The following FHIT variants were observed in gnomAD, a reference collection of about 807,000 sequenced individuals.
The protein encoded by FHIT is bis(5'-adenosyl)-triphosphatase.
FHIT carries 19 observed loss-of-function variants against 17.9 expected under a neutral mutation model. The observed-to-expected ratio is 1.06, with a 90% CI of 0.74 to 1.56. FHIT has a LOEUF of 1.56. Among genes scored for constraint, FHIT ranks in the 40% most tolerant of loss-of-function variants. The probability of loss-of-function intolerance (pLI) is 0.00; values close to 1 mark genes in which losing one functional copy is unlikely to be tolerated. For synonymous variants in FHIT, 81 were observed against 69.7 expected (o/e 1.16, Z -0.81); for missense variants, 248 against 189.2 (o/e 1.31, Z -1.82).
intron 8 of FHIT, among the ~76,000 whole-genome samples, chr3:59,906,772 T>C (rs1465122992): frequency 6.6e-6 from 1 of 152,240 alleles, no homozygotes; most frequent in Non-Finnish European, 1.5e-5. Context: ...AAACTGTAAA[T>C]AGCATTCAAG....
chr3:60,709,437 A>G (rs1553704423), intron 4 of FHIT, among the ~76,000 whole-genome samples: 2 of 152,210 alleles, frequency 1.3e-5, no homozygotes, highest in African/African-American at 2.4e-5. Flanking sequence ...CTGCATCAAA[A>G]CTTAACAAAT....
At chr3:60,944,227 G>C (rs1362323212) in intron 3 of FHIT, among the ~76,000 whole-genome samples, 1 of 152,158 alleles carries the variant, frequency 6.6e-6, no homozygotes, top group Non-Finnish European at 1.5e-5. Flanking sequence ...CATTCTATGA[G>C]AATATGCTTT....
intron 5 of FHIT, among the ~76,000 whole-genome samples, chr3:60,301,140 T>C (rs1708444931): frequency 6.6e-6 from 1 of 152,122 alleles, no homozygotes. Flanking sequence ...TATCCTAAAA[T>C]AAAATTTTGA....
intron 3 of FHIT, among the ~76,000 whole-genome samples, chr3:60,913,242 C>CT (rs1351516951): frequency 6.6e-6 from 1 of 152,192 alleles, no homozygotes; most frequent in Non-Finnish European, 1.5e-5. Flanking sequence ...ACTTGAGTAT[C>CT]TAATATACAG....
intron 5 of FHIT, among the ~76,000 whole-genome samples, chr3:60,263,831 T>C (rs1346345526): frequency 1.3e-5 from 2 of 151,794 alleles, no homozygotes; most frequent in Non-Finnish European, 2.9e-5. Context: ...TAAATGCATC[T>C]TTCAACAAGT....
chr3:61,214,030 A>G (rs1279040628), intron 1 of FHIT, among the ~76,000 whole-genome samples: 2 of 152,208 alleles, frequency 1.3e-5, no homozygotes, highest in Non-Finnish European at 2.9e-5. Flanking sequence ...AATTTATAGC[A>G]CTAAATGCCC....
intron 2 of FHIT, among the ~76,000 whole-genome samples, chr3:61,132,241 C>T (rs1031881444): frequency 6.6e-6 from 1 of 152,190 alleles, no homozygotes; most frequent in Non-Finnish European, 1.5e-5. Flanking sequence ...GCATGGGCCA[C>T]CCACATGTCT....
intron 5 of FHIT, among the ~76,000 whole-genome samples, chr3:60,052,302 AC>A (rs1449436654): frequency 1.3e-5 from 2 of 152,120 alleles, no homozygotes; most frequent in African/African-American, 4.8e-5. Context: ...TTTGCCTATC[AC>A]GAGTACACCC....
chr3:59,953,023 C>A (rs918881100), intron 7 of FHIT, among the ~76,000 whole-genome samples: 1 of 151,892 alleles, frequency 6.6e-6, no homozygotes, highest in African/African-American at 2.4e-5. Flanking sequence ...TCTCTCCACC[C>A]CCCGAAGTGT....
chr3:60,997,399 A>T (rs2030749133), intron 3 of FHIT, among the ~76,000 whole-genome samples: 1 of 152,028 alleles, frequency 6.6e-6, no homozygotes, highest in South Asian at 2.1e-4. Context: ...TTACATAAAG[A>T]TCTAAATTTC....
intron 3 of FHIT, among the ~76,000 whole-genome samples, chr3:60,966,164 G>T (rs1033040130): frequency 6.0e-4 from 91 of 152,160 alleles, no homozygotes; most frequent in African/African-American, 2.0e-3. Context: ...CAGCCTCACT[G>T]CCACCTTGTG....
chr3:60,303,801 A>G (rs1708546523), intron 5 of FHIT, among the ~76,000 whole-genome samples: 1 of 152,142 alleles, frequency 6.6e-6, no homozygotes, highest in Non-Finnish European at 1.5e-5. Context: ...TGATTTTCAT[A>G]TTGTTTGTTA....
chr3:60,508,077 G>C (rs193058427), intron 5 of FHIT, among the ~76,000 whole-genome samples: 1 of 152,154 alleles, frequency 6.6e-6, no homozygotes, highest in Non-Finnish European at 1.5e-5. Flanking sequence ...ATAAAGCTCT[G>C]ACTGCTAGCT....
chr3:61,046,698 C>A (rs1372427269), intron 2 of FHIT, among the ~76,000 whole-genome samples: 4 of 152,008 alleles, frequency 2.6e-5, no homozygotes, highest in Non-Finnish European at 4.4e-5. Context: ...AAAAAAGAGA[C>A]TTTTAGACCA....
chr3:61,193,574 C>T (rs1208920219), intron 2 of FHIT, among the ~76,000 whole-genome samples: 1 of 152,188 alleles, frequency 6.6e-6, no homozygotes, highest in African/African-American at 2.4e-5. Context: ...ACACTCCAAA[C>T]ACCACTTAGA....
intron 5 of FHIT, among the ~76,000 whole-genome samples, chr3:60,081,623 C>G (rs989108594): frequency 5.3e-5 from 8 of 152,184 alleles, no homozygotes; most frequent in Non-Finnish European, 1.0e-4. Flanking sequence ...AAACTATATG[C>G]TGCTTACTGA....
rs183520250 is a variant in FHIT, at chr3:60,892,857, T to C, written c.-110-70846A>G. 4.3e-4 allele frequency among the ~76,000 whole-genome samples: 65 copies of C among 152,268 alleles called. No individual in the cohort carries two copies. The East Asian group carries it at 0.011, about 26-fold the overall frequency. On this transcript the variant is annotated intron_variant, in intron 3 of 9. Coordinates refer to ENST00000492590, the MANE Select transcript of FHIT (RefSeq NM_002012.4). ...AGTGAAAAGATACATAACTACAAAA[T>C]ACAACTATGTTAAAATATCCATGCA... is the stretch of plus-strand genomic sequence containing the variant.
intron 3 of FHIT, among the ~76,000 whole-genome samples, chr3:61,033,217 C>G (rs929360518): frequency 4.6e-5 from 7 of 152,208 alleles, no homozygotes; most frequent in Non-Finnish European, 1.0e-4. Flanking sequence ...TTAACCATCA[C>G]TTGTGTCCTG....
At chr3:60,234,121 T>G (rs1237795708) in intron 5 of FHIT, among the ~76,000 whole-genome samples, 1 of 152,186 alleles carries the variant, frequency 6.6e-6, no homozygotes, top group African/African-American at 2.4e-5. Flanking sequence ...CCTATGATAG[T>G]GCCTAGCATA....
Sources: allele counts gnomAD v4.1 joint callset (sites outside exome capture counted in the v4.1 genomes callset), GRCh38; gene constraint gnomAD v4.1.1; transcripts MANE v1.5; gene names NCBI Gene and HGNC (gene_info 2026-07-23, HGNC 2026-07-21).